Variants in GATA6 observed in about 807,000 individuals in gnomAD.
GATA6 encodes transcription factor GATA-6.
GATA6 carries 11 observed loss-of-function variants against 48.1 expected under a neutral mutation model. The ratio of observed to expected loss-of-function variants is 0.23; its 90% CI spans 0.14 to 0.38. The LOEUF is 0.38. Ranked by LOEUF, GATA6 falls within the 10% of genes least tolerant of loss-of-function variation. GATA6 has a pLI of 1.00. For missense variants in GATA6, 795 were observed against 850.3 expected (o/e 0.93, Z 0.81); for synonymous variants, 419 against 396.1 (o/e 1.06, Z -0.69).
In GATA6 at chr18:22,182,943, A is replaced by G. The variant is rs746983527; in HGVS notation, c.1520A>G (p.Asn507Ser). 1 of 1,613,218 alleles carries G rather than the reference A, an allele frequency of 6.2e-7. No homozygotes were observed. The highest frequency in any genetic ancestry group is 1.1e-5 in the South Asian group (1 of 91,060). ...AGGTTTATTTTGACTGTTGCAGGTA[A>G]TAGCAATAATTCCATTCCCATGACT... ...NINKSKTCSGNSNNSIPMTPT... is the reference protein window; with the variant it reads ...NINKSKTCSGSSNNSIPMTPT... The change falls in exon 6 of 7, where the codon AAT becomes AGT. Residue 507 changes from asparagine to serine, a missense_variant. Physicochemically the swap from Asn to Ser is conservative, Grantham distance 46. Coordinates refer to ENST00000269216, the MANE Select transcript of GATA6 (RefSeq NM_005257.6).
chr18:22,199,306 T>C (rs2033428055), intron 6 of GATA6, among the ~76,000 whole-genome samples: 1 of 152,344 alleles, frequency 6.6e-6, no homozygotes, highest in East Asian at 1.9e-4. Context: ...CTGTGAAAAG[T>C]ACACAATGTC....
In GATA6 at chr18:22,200,698, C is replaced by T; in HGVS notation, c.1663C>T (p.Pro555Ser). 6.2e-7 allele frequency: 1 copy of T among 1,614,226 alleles called. No homozygotes were observed. Reference protein sequence around the residue: ...VMTGAGESTNPENSELKYSGQ... With the variant: ...VMTGAGESTNSENSELKYSGQ... ...GACTGGTGCGGGAGAGAGCACCAATCCCGAGAACAGCGAGCTCAAGTATTC... is the reference window on the plus strand; with the variant it reads ...GACTGGTGCGGGAGAGAGCACCAATTCCGAGAACAGCGAGCTCAAGTATTC... The change falls in exon 7 of 7, where the codon CCC becomes TCC. Residue 555 changes from proline (P) to serine (S), a missense_variant. By Grantham distance (74) the Pro-to-Ser change is moderately conservative (BLOSUM62 -1). This residue lies in a region of GATA6 where 103 missense variants were observed against 103.7 expected (regional missense o/e 0.99). Transcript: ENST00000269216.
At position 22,201,152 on chromosome 18, in the gene GATA6, T is replaced by C. The variant is rs1410852146; in HGVS notation, c.*329T>C. The C allele has an allele frequency of 2.9e-6, 1 of 343,992 alleles. No homozygotes were observed. Among genetic ancestry groups the C allele is most frequent in the South Asian group, 3.9e-5 (1 of 25,416 alleles). The allele number at this position is 343,992 out of a possible 1,614,324, so 21.3% of individuals were successfully genotyped here. On this transcript the variant is annotated 3_prime_UTR_variant, in exon 7 of 7. Coordinates refer to ENST00000269216, the MANE Select transcript of GATA6 (RefSeq NM_005257.6). ...ATTTTTTAAAAAAGATTTTGCATTT[T>C]GTCCAAAATCATGTGCTTCTTCTGA...
At chr18:22,174,789 A>G (rs958234960) in intron 2 of GATA6, among the ~76,000 whole-genome samples, 2 of 151,910 alleles carry the variant, frequency 1.3e-5, no homozygotes, top group African/African-American at 4.8e-5. Context: ...CCAGAGCTAA[A>G]ACCTGAGTGC....
Position 22,184,637 on chromosome 18 carries a change from G to A in GATA6, c.1620+1594G>A, listed in dbSNP as rs2033240479. ...AGCCTCCCGAGAAGCTAGAATTACA[G>A]GCATACACCAACTCACCTGGCTAAT... On this transcript the variant is annotated intron_variant, in intron 6 of 6. Transcript: ENST00000269216. Among the ~76,000 whole-genome samples the A allele has an allele frequency of 1.3e-5, 2 of 151,860 alleles. 1 individual carries two copies. Among genetic ancestry groups the A allele is most frequent in the South Asian group, 4.2e-4 (2 of 4,790 alleles).
In GATA6 at chr18:22,200,672, T is replaced by C. The variant is rs2033449626; in HGVS notation, c.1637T>C (p.Met546Thr). The C allele has an allele frequency of 6.2e-7, 1 of 1,614,260 alleles. No individual in the cohort carries two copies. Among genetic ancestry groups the C allele is most frequent in the African/African-American group, 1.3e-5 (1 of 75,076 alleles). ...TTCTGCCAGGCGGGTGCCCCGGTGA[T>C]GACTGGTGCGGGAGAGAGCACCAAT... ...PTASGAGAPVMTGAGESTNPE... is the reference protein window; with the variant it reads ...PTASGAGAPVTTGAGESTNPE... The change falls in exon 7 of 7, where the codon ATG (methionine) becomes ACG (threonine). Residue 546 changes from methionine (M) to threonine (T), a missense_variant. Met to Thr is a moderately conservative substitution (Grantham distance 81). This residue lies in a region of GATA6 where 103 missense variants were observed against 103.7 expected (regional missense o/e 0.99). Coordinates refer to ENST00000269216, the MANE Select transcript of GATA6 (RefSeq NM_005257.6).
chr18:22,184,611 C>T (rs949354936), intron 6 of GATA6, among the ~76,000 whole-genome samples: 8 of 152,062 alleles, frequency 5.3e-5, no homozygotes, highest in Non-Finnish European at 1.2e-4. Flanking sequence ...CCTCCCACTT[C>T]AGCCTCCCGA....
At position 22,171,182 on chromosome 18, in the gene GATA6, G is replaced by A; in HGVS notation, c.38G>A (p.Arg13His). The change falls in exon 2 of 7, where the codon CGC becomes CAC. Residue 13 changes from arginine (R) to histidine (H), a missense_variant. This residue lies in a region of GATA6 where 591 missense variants were observed against 570.0 expected (regional missense o/e 1.04). Coordinates refer to ENST00000269216, the MANE Select transcript of GATA6 (RefSeq NM_005257.6). This position sits in a 1 kb window ranked among gnomAD's most constrained non-coding sequence, Gnocchi z 7.1. Reference sequence around the variant, plus strand: ...GACGGCGGCTGGTGCTTGCCGAAGCGCTTCGGGGCCGCGGGTGCGGACGCC... The same window carrying A: ...GACGGCGGCTGGTGCTTGCCGAAGCACTTCGGGGCCGCGGGTGCGGACGCC... Reference protein sequence around the residue: ...LTDGGWCLPKRFGAAGADASD... With the variant: ...LTDGGWCLPKHFGAAGADASD... 6.3e-7 allele frequency: 1 copy of A among 1,599,978 alleles called. No homozygotes were observed.
Position 22,172,284 on chromosome 18 carries a change from G to A in GATA6, c.1135+5G>A. On this transcript the variant is annotated splice_donor_5th_base_variant and intron_variant, in intron 2 of 6. Coordinates refer to ENST00000269216, the MANE Select transcript of GATA6 (RefSeq NM_005257.6). The surrounding 1 kb of genome is among the most constrained non-coding windows in gnomAD (Gnocchi z 5.2). The stretch of plus-strand genomic sequence containing the variant: ...TGCCCCGGGGTCCCAGTGCAGGTAA[G>A]GGTCGCGCCTCAGGTTCGGGGTGCG... 2.6e-6 allele frequency: 4 copies of A among 1,531,664 alleles called. No individual in the cohort carries two copies. Among genetic ancestry groups the A allele is most frequent in the Non-Finnish European group, 3.5e-6 (4 of 1,145,216 alleles). 94.9% of individuals were successfully genotyped at this position (1,531,664 alleles called of 1,614,324 possible). A position where few individuals can be genotyped will look rare whatever the true frequency, so the allele number is the denominator to read the frequency against.
rs2033058427 is a variant in GATA6, at chr18:22,172,020, C to T, written c.876C>T (p.Gly292=). The T allele has an allele frequency of 8.0e-7, 1 of 1,247,714 alleles. No individual in the cohort carries two copies. Among genetic ancestry groups the T allele is most frequent in the South Asian group, 3.6e-5 (1 of 27,744 alleles). The allele number at this position is 1,247,714 out of a possible 1,614,324, so 77.3% of individuals were successfully genotyped here. ...CGGCGGGCAGTGGGGGCGCGGGAGG[C>T]GTGAGCGGCGGCGGCAGTAGCCTGG... ...YAAAGSGGAG[G]VSGGGSSLAA... The change falls in exon 2 of 7, where the codon GGC becomes GGT. Residue 292 remains glycine, a synonymous_variant. Coordinates refer to ENST00000269216, the MANE Select transcript of GATA6 (RefSeq NM_005257.6). This position sits in a 1 kb window ranked among gnomAD's most constrained non-coding sequence, Gnocchi z 5.2.
rs2033257810 is a variant in GATA6 at position 22,185,933 on chromosome 18, G to A, written c.1620+2890G>A. On this transcript the variant is annotated intron_variant, in intron 6 of 6. Coordinates refer to ENST00000269216, the MANE Select transcript of GATA6 (RefSeq NM_005257.6). This position sits in a 1 kb window ranked among gnomAD's most constrained non-coding sequence, Gnocchi z 4.3. ...CAGCTGGTAGAAGCATTTCTAAAAG[G>A]TGCCTGTGTTGACAAAGGTGTGTCA... is the stretch of plus-strand genomic sequence containing the variant. Among the ~76,000 whole-genome samples, 1 of 152,160 alleles carries A rather than the reference G, an allele frequency of 6.6e-6. No homozygotes were observed. The highest frequency in any genetic ancestry group is 6.5e-5 in the Admixed American group (1 of 15,276).
At chr18:22,191,919 C>T (rs558688139) in intron 6 of GATA6, among the ~76,000 whole-genome samples, 7 of 152,218 alleles carry the variant, frequency 4.6e-5, no homozygotes, top group Non-Finnish European at 7.3e-5. Context: ...AATCATGATC[C>T]GACTTGATGG....
In GATA6 at chr18:22,200,927, G is replaced by C. The variant is rs868348062; in HGVS notation, c.*104G>C. 8.6e-7 allele frequency: 1 copy of C among 1,164,304 alleles called. No homozygotes were observed. The highest frequency in any genetic ancestry group is 1.2e-6 in the Non-Finnish European group (1 of 825,710). 72.1% of individuals were successfully genotyped at this position (1,164,304 alleles called of 1,614,324 possible). ...ACAGTGGCGACTGCGCTGACAGAACGTGATTCTCGTGCCTTTATTTTGAAA... is the reference window on the plus strand; with the variant it reads ...ACAGTGGCGACTGCGCTGACAGAACCTGATTCTCGTGCCTTTATTTTGAAA... On this transcript the variant is annotated 3_prime_UTR_variant, in exon 7 of 7. Transcript: ENST00000269216.
In GATA6 at chr18:22,200,815, C is replaced by G; in HGVS notation, c.1780C>G (p.Leu594Val). 6.2e-7 allele frequency: 1 copy of G among 1,609,468 alleles called. No individual in the cohort carries two copies. Among genetic ancestry groups the G allele is most frequent in the South Asian group, 1.1e-5 (1 of 90,876 alleles). ...VRPDSWCALA[L>V]A is the part of the protein sequence containing the mutation. ...ACCGGATTCCTGGTGCGCCCTGGCC[C>G]TGGCCTGAGCCCACGCCGCCAGGAG... The change falls in exon 7 of 7, where the codon CTG (leucine) becomes GTG (valine). Residue 594 changes from leucine (L) to valine (V), a missense_variant. Coordinates refer to ENST00000269216, the MANE Select transcript of GATA6 (RefSeq NM_005257.6).
chr18:22,172,410 C>A lies in GATA6; in HGVS notation c.1135+131C>A. 1 of 1,426,110 alleles carries A rather than the reference C, an allele frequency of 7.0e-7. No individual in the cohort carries two copies. Among genetic ancestry groups the A allele is most frequent in the Non-Finnish European group, 9.2e-7 (1 of 1,084,126 alleles). The allele number at this position is 1,426,110 out of a possible 1,614,324, so 88.3% of individuals were successfully genotyped here. A position where few individuals can be genotyped will look rare whatever the true frequency, so the allele number is the denominator to read the frequency against. ...CCGGGTGCGCGGAGGTCGGCCTGGT[C>A]CCAGGAAGGATTTGCAGGCCTGTGG... On this transcript the variant is annotated intron_variant, in intron 2 of 6. Coordinates refer to ENST00000269216, the MANE Select transcript of GATA6 (RefSeq NM_005257.6). The surrounding 1 kb of genome is among the most constrained non-coding windows in gnomAD (Gnocchi z 5.2).
intron 6 of GATA6, among the ~76,000 whole-genome samples, chr18:22,183,564 A>G (rs868543467): frequency 9.2e-5 from 14 of 152,240 alleles, no homozygotes; most frequent in Non-Finnish European, 1.5e-4. Context: ...CCTTTGCCCA[A>G]TTGTGTTCTT....
At chr18:22,193,451 C>T (rs1233168931) in intron 6 of GATA6, among the ~76,000 whole-genome samples, 1 of 152,312 alleles carries the variant, frequency 6.6e-6, no homozygotes, top group East Asian at 1.9e-4. Context: ...TTTAATTCCT[C>T]TTTGGAGGAA....
Position 22,202,293 on chromosome 18 carries a change from T to C in GATA6, c.*1470T>C, listed in dbSNP as rs954501894. ...AAAAATATTCCAGAAAGTTCAGATT[T>C]TTTTTCTTTGTGAATGAAATATATT... On this transcript the variant is annotated 3_prime_UTR_variant, in exon 7 of 7. Transcript: ENST00000269216. The C allele has an allele frequency of 2.6e-5, 4 of 152,198 alleles. No individual in the cohort carries two copies. The highest frequency in any genetic ancestry group is 9.7e-5 in the African/African-American group (4 of 41,440). The allele number at this position is 152,198 out of a possible 1,614,324, so 9.4% of individuals were successfully genotyped here.
chr18:22,178,421 C>CG (rs758231948), intron 3 of GATA6, among the ~76,000 whole-genome samples: 1 of 152,110 alleles, frequency 6.6e-6, no homozygotes, highest in Non-Finnish European at 1.5e-5. Context: ...ATTTGTTTAG[C>CG]GAAGTACTCA....
Sources: allele counts gnomAD v4.1 joint callset (sites outside exome capture counted in the v4.1 genomes callset), GRCh38; gene constraint gnomAD v4.1.1; regional missense constraint gnomAD v4.1.1; non-coding constraint Gnocchi (gnomAD v3.1); transcripts MANE v1.5; gene names NCBI Gene and HGNC (gene_info 2026-07-23, HGNC 2026-07-21).